The following SYNPO2 variants were observed in gnomAD, a reference collection of about 807,000 sequenced individuals.
SYNPO2 encodes the protein synaptopodin-2.
Under a neutral mutation model 85.0 loss-of-function variants are expected in SYNPO2, and 56 were observed. That is an observed-to-expected ratio of 0.66 (90% CI 0.53 to 0.82). SYNPO2 has a LOEUF of 0.82. Among genes scored for constraint, SYNPO2 ranks in the 40% least tolerant of loss-of-function variants. The pLI is 0.00. For missense variants in SYNPO2, 1,575 were observed against 1,534.2 expected, an observed-to-expected ratio of 1.03 and a Z score of -0.44; for synonymous variants, 602 against 591.1, an observed-to-expected ratio of 1.02 and a Z score of -0.27.
chr4:118,881,616 C>T (rs1732102744), intron 1 of SYNPO2, among the ~76,000 whole-genome samples: 2 of 152,178 alleles, frequency 1.3e-5, no homozygotes, highest in Non-Finnish European at 2.9e-5. Context: ...GGGGAGCGTC[C>T]CCTTACGACT....
intron 1 of SYNPO2, among the ~76,000 whole-genome samples, chr4:119,007,701 G>C (rs1490600510): frequency 6.6e-6 from 1 of 152,126 alleles, no homozygotes; most frequent in African/African-American, 2.4e-5. Flanking sequence ...AGTGCCAGGA[G>C]TGTCATGCCA....
intron 1 of SYNPO2, among the ~76,000 whole-genome samples, chr4:118,986,005 G>T (rs1736203286): frequency 6.6e-6 from 1 of 152,116 alleles, no homozygotes; most frequent in Non-Finnish European, 1.5e-5. Flanking sequence ...GGTTTTCCTT[G>T]CACTCCCATT....
intron 4 of SYNPO2, among the ~76,000 whole-genome samples, chr4:119,039,052 A>C (rs1444088725): frequency 6.6e-6 from 1 of 152,198 alleles, no homozygotes; most frequent in Admixed American, 6.5e-5. Context: ...AACTCATTAC[A>C]TTTGCAGAGC....
At chr4:118,873,991 G>A (rs1194530887) in intron 1 of SYNPO2, among the ~76,000 whole-genome samples, 2 of 151,074 alleles carry the variant, frequency 1.3e-5, no homozygotes, top group Admixed American at 6.6e-5. Context: ...CCCAGTGTAT[G>A]TTCTTGTTTA....
intron 1 of SYNPO2, among the ~76,000 whole-genome samples, chr4:118,868,198 G>A (rs1187947025): frequency 3.3e-5 from 5 of 151,732 alleles, no homozygotes; most frequent in Admixed American, 6.6e-5. Flanking sequence ...CTCCAAAACT[G>A]TAACACACCT....
intron 1 of SYNPO2, among the ~76,000 whole-genome samples, chr4:118,967,206 T>G (rs1246896978): frequency 6.6e-6 from 1 of 152,220 alleles, no homozygotes; most frequent in African/African-American, 2.4e-5. Flanking sequence ...CACTCTATAC[T>G]GCCCATTTTC....
intron 1 of SYNPO2, among the ~76,000 whole-genome samples, chr4:118,924,503 G>C (rs1294048033): frequency 7.9e-5 from 12 of 152,272 alleles, no homozygotes; most frequent in Admixed American, 7.9e-4. Flanking sequence ...AGGGGACTCA[G>C]AGCAAAGAAG....
chr4:118,933,246 C>T (rs1328833946), intron 1 of SYNPO2, among the ~76,000 whole-genome samples: 1 of 152,100 alleles, frequency 6.6e-6, no homozygotes, highest in Non-Finnish European at 1.5e-5. Flanking sequence ...AACTTTAAGT[C>T]ATGTTATTTA....
At chr4:118,954,995 A>ATT (rs143188478) in intron 1 of SYNPO2, among the ~76,000 whole-genome samples, 30 of 130,996 alleles carry the variant, frequency 2.3e-4, no homozygotes, top group African/African-American at 6.4e-4. Context: ...ATTCTGTGCA[A>ATT]TTTTTTTTTT....
chr4:118,950,892 G>A (rs1390382279), intron 1 of SYNPO2, among the ~76,000 whole-genome samples: 1 of 152,176 alleles, frequency 6.6e-6, no homozygotes, highest in African/African-American at 2.4e-5. Context: ...CTATCCAAAT[G>A]TCATGAAGAA....
chr4:119,009,634 CG>C (rs1737214193), intron 1 of SYNPO2, among the ~76,000 whole-genome samples: 1 of 152,060 alleles, frequency 6.6e-6, no homozygotes, highest in African/African-American at 2.4e-5. Flanking sequence ...CAGAATCACC[CG>C]GGGAAGCTCA....
chr4:118,945,971 C>T (rs1734485752), intron 1 of SYNPO2, among the ~76,000 whole-genome samples: 1 of 152,172 alleles, frequency 6.6e-6, no homozygotes, highest in Non-Finnish European at 1.5e-5. Flanking sequence ...GTCTCGATCT[C>T]TTGACCTCAT....
chr4:119,014,938 TC>T (rs1737470624), intron 1 of SYNPO2, among the ~76,000 whole-genome samples: 1 of 152,164 alleles, frequency 6.6e-6, no homozygotes, highest in Admixed American at 6.5e-5. Flanking sequence ...CCCTGTCTTT[TC>T]CCCCAGTACC....
rs760385723 is a variant in SYNPO2, at chr4:119,027,046, C to T, written c.677C>T (p.Ser226Phe). 13 of 1,613,906 alleles carry T rather than the reference C, an allele frequency of 8.1e-6. No individual in the cohort carries two copies. In the Admixed American group the frequency reaches 1.8e-4, roughly 23 times the overall value. The change falls in exon 3 of 5, where the codon TCT becomes TTT. Residue 226 changes from serine (S) to phenylalanine (F), a missense_variant. Ser to Phe is a radical substitution (Grantham distance 155). This residue lies in a region of SYNPO2 where 1,508 missense variants were observed against 1,446.8 expected (regional missense o/e 1.04). Transcript: ENST00000307142. ...VALPGAEKSK[S>F]PDPDPNLSHD... ...CTCCCGGGAGCTGAAAAATCTAAGTCTCCTGACCCAGACCCTAACTTGTCA... is the reference window on the plus strand; with the variant it reads ...CTCCCGGGAGCTGAAAAATCTAAGTTTCCTGACCCAGACCCTAACTTGTCA...
At chr4:118,971,373 G>A (rs767997797) in intron 1 of SYNPO2, among the ~76,000 whole-genome samples, 1 of 152,180 alleles carries the variant, frequency 6.6e-6, no homozygotes, top group Admixed American at 6.5e-5. Flanking sequence ...TATCTCAAAG[G>A]TCCCAAATGT....
intron 1 of SYNPO2, among the ~76,000 whole-genome samples, chr4:118,993,750 T>C (rs1295807422): frequency 6.6e-6 from 1 of 152,250 alleles, no homozygotes; most frequent in African/African-American, 2.4e-5. Flanking sequence ...CCCATGTTTT[T>C]CCCCCAAATT....
At chr4:118,853,164 A>C (rs1731448549) in intron 1 of SYNPO2, among the ~76,000 whole-genome samples, 1 of 152,200 alleles carries the variant, frequency 6.6e-6, no homozygotes, top group Non-Finnish European at 1.5e-5. Context: ...TAGAGATAAG[A>C]GGAGGAAGTT....
intron 1 of SYNPO2, among the ~76,000 whole-genome samples, chr4:118,972,933 G>A (rs1735590649): frequency 6.6e-6 from 1 of 152,146 alleles, no homozygotes; most frequent in Non-Finnish European, 1.5e-5. Context: ...TTGCTCACCT[G>A]CTTTTTCTCC....
At chr4:119,022,728 T>TATTA (rs1560989728) in intron 1 of SYNPO2, among the ~76,000 whole-genome samples, 2 of 44,134 alleles carry the variant, frequency 4.5e-5, no homozygotes, top group African/African-American at 1.3e-4. Flanking sequence ...TATTTTAATT[T>TATTA]TATTTTATTT....
Sources: allele counts gnomAD v4.1 joint callset (sites outside exome capture counted in the v4.1 genomes callset), GRCh38; gene constraint gnomAD v4.1.1; regional missense constraint gnomAD v4.1.1; transcripts MANE v1.5; gene names NCBI Gene and HGNC (gene_info 2026-07-23, HGNC 2026-07-21).